The following CNTN5 variants were observed in gnomAD, a reference collection of about 807,000 sequenced individuals.
CNTN5 encodes the protein contactin 5.
Under a neutral mutation model 129.1 loss-of-function variants are expected in CNTN5, and 77 were observed. That is an observed-to-expected ratio of 0.60 (90% CI 0.50 to 0.72). The LOEUF (loss-of-function observed/expected upper bound fraction) is 0.72, where lower values mean the gene tolerates loss of function less well. Among genes scored for constraint, CNTN5 ranks in the 30% least tolerant of loss-of-function variants. CNTN5 has a pLI of 0.00. For synonymous variants in CNTN5, 509 were observed against 465.6 expected (o/e 1.09, Z -1.20); for missense variants, 1,478 against 1,328.8 (o/e 1.11, Z -1.75).
At chr11:99,935,378 T>C (rs1950292764) in intron 7 of CNTN5, among the ~76,000 whole-genome samples, 1 of 152,110 alleles carries the variant, frequency 6.6e-6, no homozygotes, top group Non-Finnish European at 1.5e-5. Context: ...TTAGGTTTTT[T>C]TCACCGAGCA....
At chr11:99,734,594 C>T (rs1591060451) in intron 3 of CNTN5, among the ~76,000 whole-genome samples, 1 of 152,192 alleles carries the variant, frequency 6.6e-6, no homozygotes, top group African/African-American at 2.4e-5. Flanking sequence ...CTTAATTTGC[C>T]TCAAAAACAG....
chr11:99,191,178 C>T (rs114040121), intron 1 of CNTN5, among the ~76,000 whole-genome samples: 634 of 151,738 alleles, frequency 4.2e-3, no homozygotes, highest in African/African-American at 0.014. Context: ...CCTTGCTTAC[C>T]GGAAATAAAT....
chr11:99,152,013 G>A (rs1240097840), intron 1 of CNTN5, among the ~76,000 whole-genome samples: 1 of 152,050 alleles, frequency 6.6e-6, no homozygotes, highest in Non-Finnish European at 1.5e-5. Context: ...AGAACTTAAA[G>A]TATAATAATA....
intron 4 of CNTN5, among the ~76,000 whole-genome samples, chr11:99,828,710 T>C (rs1020138862): frequency 6.6e-6 from 1 of 152,180 alleles, no homozygotes; most frequent in African/African-American, 2.4e-5. Context: ...CATGGAAAAC[T>C]GAAAGAACCT....
intron 6 of CNTN5, among the ~76,000 whole-genome samples, chr11:99,856,715 T>A (rs1948046508): frequency 6.6e-6 from 1 of 152,138 alleles, no homozygotes; most frequent in African/African-American, 2.4e-5. Context: ...TCTATTCATA[T>A]CCATAGGGAC....
chr11:99,285,155 T>C (rs1291356623), intron 1 of CNTN5, among the ~76,000 whole-genome samples: 1 of 152,188 alleles, frequency 6.6e-6, no homozygotes, highest in African/African-American at 2.4e-5. Context: ...AGTTCTCAGA[T>C]TTCTACTCTG....
intron 13 of CNTN5, among the ~76,000 whole-genome samples, chr11:100,079,769 A>T (rs17696634): frequency 0.092 from 14,013 of 152,196 alleles, 804 homozygotes; most frequent in East Asian, 0.18. Context: ...TACTGAAACT[A>T]ATAAACTCCA....
chr11:99,400,008 TTATACTTTTAG>T, intron 2 of CNTN5, among the ~76,000 whole-genome samples: 1 of 152,098 alleles, frequency 6.6e-6, no homozygotes, highest in East Asian at 1.9e-4. Context: ...AACAATACAA[TTATACTTTTAG>T]TAATTGTACA....
At chr11:100,322,119 T>C (rs1951707865) in intron 21 of CNTN5, among the ~76,000 whole-genome samples, 1 of 152,214 alleles carries the variant, frequency 6.6e-6, no homozygotes, top group African/African-American at 2.4e-5. Flanking sequence ...AGTTGGTTTT[T>C]ACCAGTTTTT....
At chr11:99,977,367 T>G (rs967059782) in intron 8 of CNTN5, among the ~76,000 whole-genome samples, 5 of 152,210 alleles carry the variant, frequency 3.3e-5, no homozygotes, top group Admixed American at 6.5e-5. Flanking sequence ...AGTTCCAAAG[T>G]CACTTCCACG....
intron 7 of CNTN5, among the ~76,000 whole-genome samples, chr11:99,933,263 A>T (rs561954915): frequency 3.9e-5 from 6 of 152,320 alleles, no homozygotes; most frequent in Non-Finnish European, 8.8e-5. Context: ...TAATGTTCTC[A>T]GTTGGCAAAT....
At position 99,995,125 on chromosome 11, in the gene CNTN5, G is replaced by A. The variant is rs114042146; in HGVS notation, c.878-6909G>A. On this transcript the variant is annotated intron_variant, in intron 8 of 24. Coordinates refer to ENST00000524871, the MANE Select transcript of CNTN5 (RefSeq NM_014361.4). The stretch of plus-strand genomic sequence containing the variant: ...AATTTTAGACTGGAAAGTAATTGAG[G>A]GAGTTAGCCTTTTAGAGTAGGACAT... 9.3e-4 allele frequency among the ~76,000 whole-genome samples: 142 copies of A among 152,160 alleles called. 1 individual carries two copies. The highest frequency in any genetic ancestry group is 3.3e-3 in the African/African-American group (135 of 41,526).
intron 9 of CNTN5, among the ~76,000 whole-genome samples, chr11:100,045,361 G>A (rs1318776929): frequency 2.0e-5 from 3 of 151,904 alleles, no homozygotes; most frequent in Non-Finnish European, 4.4e-5. Flanking sequence ...ATAATTAGGG[G>A]CCAACTATAA....
At chr11:99,725,502 AATC>A (rs1268112626) in intron 3 of CNTN5, among the ~76,000 whole-genome samples, 2 of 150,760 alleles carry the variant, frequency 1.3e-5, no homozygotes, top group Non-Finnish European at 2.9e-5. Context: ...GTTTTATAAA[AATC>A]ATCATGAGTT....
rs753208791 is a variant in CNTN5 at position 100,350,820 on chromosome 11, A to G, written c.3149A>G (p.Glu1050Gly). The G allele has an allele frequency of 1.9e-6, 3 of 1,603,552 alleles. No individual in the cohort carries two copies. The Admixed American group carries it at 5.1e-5, about 27-fold the overall frequency. ...ATTATTGAAGTTCGAGCATATAGTG[A>G]AGGAGGAGATGGAACAGCTAGTTCT... ...VYIIEVRAYS[E>G]GGDGTASSQI... The change falls in exon 24 of 25, where the codon GAA (glutamate) becomes GGA (glycine). Residue 1050 changes from glutamate (E) to glycine (G), a missense_variant. Glu to Gly is a moderately conservative substitution (Grantham distance 98, BLOSUM62 -2). Transcript: ENST00000524871.
intron 8 of CNTN5, among the ~76,000 whole-genome samples, chr11:99,957,215 G>C (rs919052370): frequency 6.6e-6 from 1 of 152,070 alleles, no homozygotes; most frequent in Non-Finnish European, 1.5e-5. Context: ...CCATGGTTGA[G>C]AAATATTCAC....
intron 1 of CNTN5, among the ~76,000 whole-genome samples, chr11:99,111,407 T>A (rs1591208557): frequency 6.6e-6 from 1 of 152,060 alleles, no homozygotes; most frequent in South Asian, 2.1e-4. Context: ...ATTTTACTTC[T>A]TTTTTACAAG....
intron 2 of CNTN5, among the ~76,000 whole-genome samples, chr11:99,366,813 T>C (rs550170816): frequency 7.4e-4 from 112 of 152,252 alleles, no homozygotes; most frequent in Admixed American, 1.6e-3. Context: ...GGAGTAATTT[T>C]CTCTGTGTGC....
At chr11:99,831,814 G>A (rs1359880608) in intron 4 of CNTN5, among the ~76,000 whole-genome samples, 1 of 152,094 alleles carries the variant, frequency 6.6e-6, no homozygotes, top group African/African-American at 2.4e-5. Context: ...TTTTGAGTCA[G>A]CTCATGAGGC....
Sources: allele counts gnomAD v4.1 joint callset (sites outside exome capture counted in the v4.1 genomes callset), GRCh38; gene constraint gnomAD v4.1.1; transcripts MANE v1.5; gene names NCBI Gene and HGNC (gene_info 2026-07-23, HGNC 2026-07-21).